Variants in CDH8 observed in about 807,000 individuals in gnomAD.
The protein encoded by CDH8 is cadherin 8, also known as cadherin-8.
A neutral mutation model predicts 68.1 loss-of-function variants in CDH8; 17 were observed. The ratio of observed to expected loss-of-function variants is 0.25; its 90% CI spans 0.17 to 0.37. The LOEUF is 0.37. Among genes scored for constraint, CDH8 ranks in the 10% least tolerant of loss-of-function variants. CDH8 has a pLI of 1.00. For missense variants in CDH8, 763 were observed against 999.3 expected, an observed-to-expected ratio of 0.76 and a Z score of 3.19; for synonymous variants, 372 against 365.1, an observed-to-expected ratio of 1.02 and a Z score of -0.21.
At chr16:61,768,363 T>TCC (rs1960672148) in intron 8 of CDH8, among the ~76,000 whole-genome samples, 7 of 104,540 alleles carry the variant, frequency 6.7e-5, no homozygotes, top group East Asian at 3.0e-4. Flanking sequence ...TCTCTCTCTC[T>TCC]CTCTCCCTTT....
chr16:61,764,114 CTTTAAA>C (rs1367030162), intron 8 of CDH8, among the ~76,000 whole-genome samples: 2 of 152,036 alleles, frequency 1.3e-5, no homozygotes, highest in Non-Finnish European at 2.9e-5. Context: ...GGCTTCTCTA[CTTTAAA>C]TCACATGACA....
intron 2 of CDH8, among the ~76,000 whole-genome samples, chr16:61,929,313 A>G (rs962850856): frequency 4.6e-5 from 7 of 152,196 alleles, no homozygotes; most frequent in African/African-American, 1.7e-4. Context: ...ATGAAATTAC[A>G]TATCTAGTAG....
chr16:61,666,155 G>A (rs62049439), intron 10 of CDH8, among the ~76,000 whole-genome samples: 23,762 of 150,198 alleles, frequency 0.16, 2,042 homozygotes, highest in African/African-American at 0.21. Flanking sequence ...TTTGGTTCAG[G>A]TTGAAAAAAC....
intron 10 of CDH8, among the ~76,000 whole-genome samples, chr16:61,682,056 A>G (rs751612232): frequency 6.6e-6 from 1 of 152,068 alleles, no homozygotes; most frequent in South Asian, 2.1e-4. Flanking sequence ...CCACAACTCA[A>G]TAAGTAGATC....
At chr16:61,782,215 C>T (rs375708882) in intron 8 of CDH8, among the ~76,000 whole-genome samples, 2 of 152,300 alleles carry the variant, frequency 1.3e-5, no homozygotes, top group African/African-American at 4.8e-5. Context: ...ACAGTGGGCG[C>T]AGGCCAGTGG....
At chr16:61,974,605 A>AT (rs1198232378) in intron 2 of CDH8, among the ~76,000 whole-genome samples, 1 of 152,204 alleles carries the variant, frequency 6.6e-6, no homozygotes, top group African/African-American at 2.4e-5. Context: ...ATATCCTTAG[A>AT]TTTTTTAGAA....
At chr16:61,794,031 A>G (rs1961443357) in intron 7 of CDH8, among the ~76,000 whole-genome samples, 1 of 152,104 alleles carries the variant, frequency 6.6e-6, no homozygotes, top group Non-Finnish European at 1.5e-5. Flanking sequence ...ACACCTAAAT[A>G]TTAAAATGCA....
chr16:61,655,681 G>C lies in CDH8; in HGVS notation c.1695C>G (p.Asn565Lys). The C allele has an allele frequency of 6.2e-7, 1 of 1,613,964 alleles. No homozygotes were observed. The highest frequency in any genetic ancestry group is 8.5e-7 in the Non-Finnish European group (1 of 1,179,850). ...LSILAKHNGF[N>K]RQKQEVYLLP... The stretch of plus-strand genomic sequence containing the variant: ...AAAGATAGACTTCTTGCTTCTGGCG[G>C]TTGAATCCATTATGCTTTGCCAAAA... The change falls in exon 11 of 12, where the codon AAC becomes AAG. Residue 565 changes from asparagine (N) to lysine (K), a missense_variant. Asn to Lys is a moderately conservative substitution (Grantham distance 94). Around this residue, in one of 2 missense-constraint regions of CDH8, gnomAD observed 397 missense variants for 436.2 expected, o/e 0.91. Transcript: ENST00000577390.
Position 61,653,940 on chromosome 16 carries a change from C to T in CDH8, c.2068G>A (p.Gly690Arg). The T allele has an allele frequency of 1.2e-6, 2 of 1,614,116 alleles. No homozygotes were observed. Among genetic ancestry groups the T allele is most frequent in the Non-Finnish European group, 1.7e-6 (2 of 1,180,000 alleles). The stretch of plus-strand genomic sequence containing the variant: ...TTACGGGGTAAAAATCCATTAATTC[C>T]ATCTGGATTTTGTAAAGTTGCAATG... ...FDIATLQNPDGINGFLPRKDI... is the reference protein window; with the variant it reads ...FDIATLQNPDRINGFLPRKDI... The change falls in exon 12 of 12, where the codon GGA (glycine) becomes AGA (arginine). Residue 690 changes from glycine (G) to arginine (R), a missense_variant. Transcript: ENST00000577390.
chr16:62,034,849 T>C (rs532008433), intron 1 of CDH8, among the ~76,000 whole-genome samples: 1 of 152,332 alleles, frequency 6.6e-6, no homozygotes, highest in East Asian at 1.9e-4. Context: ...TACGGACTAA[T>C]ATTGTGCGTT....
intron 8 of CDH8, among the ~76,000 whole-genome samples, chr16:61,779,606 C>T (rs1960994714): frequency 6.6e-6 from 1 of 152,170 alleles, no homozygotes; most frequent in South Asian, 2.1e-4. Context: ...CTAGGCAATT[C>T]TAATCAATGG....
At chr16:61,916,559 G>A (rs530912294) in intron 2 of CDH8, among the ~76,000 whole-genome samples, 147 of 152,088 alleles carry the variant, frequency 9.7e-4, no homozygotes, top group Middle Eastern at 6.8e-3. Flanking sequence ...TAGTAAAAAC[G>A]TTGTGTCTGG....
intron 8 of CDH8, among the ~76,000 whole-genome samples, chr16:61,777,462 T>G (rs1386679713): frequency 6.6e-6 from 1 of 152,098 alleles, no homozygotes; most frequent in Non-Finnish European, 1.5e-5. Flanking sequence ...GGGCAAGATG[T>G]AGGTATAGGT....
chr16:61,963,883 C>A (rs866742724), intron 2 of CDH8, among the ~76,000 whole-genome samples: 9 of 152,276 alleles, frequency 5.9e-5, no homozygotes, highest in African/African-American at 1.9e-4. Context: ...TTCTATCTTG[C>A]TTATCTCTAC....
Position 61,653,566 on chromosome 16 carries a change from T to G in CDH8, c.*42A>C. 6.4e-7 allele frequency: 1 copy of G among 1,559,136 alleles called. No individual in the cohort carries two copies. Among genetic ancestry groups the G allele is most frequent in the Non-Finnish European group, 8.7e-7 (1 of 1,155,490 alleles). On this transcript the variant is annotated 3_prime_UTR_variant, in exon 12 of 12. Transcript: ENST00000577390. Reference sequence around the variant, plus strand: ...ATCTAAGGGGAGTGACCCTAGAATATTACAGAATGCTCAGTTCCAGTGATT... The same window carrying G: ...ATCTAAGGGGAGTGACCCTAGAATAGTACAGAATGCTCAGTTCCAGTGATT...
intron 10 of CDH8, among the ~76,000 whole-genome samples, chr16:61,691,360 CT>C (rs58224041): frequency 0.074 from 10,934 of 148,422 alleles, 1,279 homozygotes; most frequent in African/African-American, 0.25. Flanking sequence ...TGTGCATTAT[CT>C]TTTTTTTTTT....
chr16:62,011,104 A>G (rs763655575), intron 2 of CDH8, among the ~76,000 whole-genome samples: 1 of 151,692 alleles, frequency 6.6e-6, no homozygotes, highest in Non-Finnish European at 1.5e-5. Flanking sequence ...AAAAATATGC[A>G]TGTAGTATTT....
intron 7 of CDH8, among the ~76,000 whole-genome samples, chr16:61,790,435 T>C (rs1265315929): frequency 6.6e-6 from 1 of 152,052 alleles, no homozygotes; most frequent in Non-Finnish European, 1.5e-5. Flanking sequence ...TAAGCAGTGA[T>C]GCACTAAAAC....
At chr16:62,012,679 CAT>C (rs552470267) in intron 2 of CDH8, among the ~76,000 whole-genome samples, 2 of 152,134 alleles carry the variant, frequency 1.3e-5, no homozygotes, top group Non-Finnish European at 2.9e-5. Context: ...TTTTAAAACT[CAT>C]AATCCAACCA....
Sources: gnomAD v4.1 joint callset for allele counts (sites outside exome capture counted in the v4.1 genomes callset) on GRCh38, gnomAD v4.1.1 for gene constraint, gnomAD v4.1.1 regional missense constraint, MANE v1.5 for transcripts, NCBI Gene and HGNC (gene_info 2026-07-23, HGNC 2026-07-21) for gene names.